The following GALNTL6 variants were observed in gnomAD, a reference collection of about 807,000 sequenced individuals.
GALNTL6 encodes polypeptide N-acetylgalactosaminyltransferase like 6.
Under a neutral mutation model 73.7 loss-of-function variants are expected in GALNTL6, and 46 were observed. The observed-to-expected ratio is 0.62, with a 90% CI of 0.49 to 0.80. The LOEUF (loss-of-function observed/expected upper bound fraction) is 0.80. Among genes scored for constraint, GALNTL6 ranks in the 30% least tolerant of loss-of-function variants. GALNTL6 has a pLI of 0.00. For synonymous variants in GALNTL6, 259 were observed against 263.7 expected (o/e 0.98, Z 0.17); for missense variants, 604 against 755.0 (o/e 0.80, Z 2.34).
chr4:172,552,461 A>G (rs1459502828), intron 5 of GALNTL6, among the ~76,000 whole-genome samples: 2 of 152,160 alleles, frequency 1.3e-5, no homozygotes, highest in Non-Finnish European at 1.5e-5. Flanking sequence ...CATGAAAAAT[A>G]AAAGTCAATG....
At chr4:172,134,563 T>C (rs1733587858) in intron 2 of GALNTL6, among the ~76,000 whole-genome samples, 1 of 152,096 alleles carries the variant, frequency 6.6e-6, no homozygotes, top group African/African-American at 2.4e-5. Flanking sequence ...AGAAACATGA[T>C]TGGAAGGGAG....
intron 3 of GALNTL6, among the ~76,000 whole-genome samples, chr4:172,308,004 T>TTTTTTA (rs1740210125): frequency 6.3e-5 from 1 of 15,834 alleles, no homozygotes; most frequent in African/African-American, 5.1e-4. Flanking sequence ...GTGTTTTAAC[T>TTTTTTA]TTTTTTTTTT....
chr4:172,021,163 TGCA>T (rs1319075614), intron 2 of GALNTL6, among the ~76,000 whole-genome samples: 4 of 151,950 alleles, frequency 2.6e-5, no homozygotes, highest in Non-Finnish European at 4.4e-5. Flanking sequence ...ATGACAGAAC[TGCA>T]GCTAGTGTCA....
chr4:172,791,923 T>C (rs944502274), intron 5 of GALNTL6, among the ~76,000 whole-genome samples: 15 of 152,234 alleles, frequency 9.9e-5, no homozygotes, highest in African/African-American at 3.4e-4. Flanking sequence ...AGTCTTGGCA[T>C]TCTACTGAGA....
chr4:171,967,375 T>TATTTTCCCAG (rs1739414386), intron 2 of GALNTL6, among the ~76,000 whole-genome samples: 1 of 152,010 alleles, frequency 6.6e-6, no homozygotes, highest in Non-Finnish European at 1.5e-5. Context: ...CAGTTGAGAC[T>TATTTTCCCAG]TTAGGTCATT....
At chr4:172,074,377 A>G (rs191675974) in intron 2 of GALNTL6, among the ~76,000 whole-genome samples, 7 of 152,328 alleles carry the variant, frequency 4.6e-5, no homozygotes, top group Admixed American at 3.3e-4. Context: ...AGAAGGAATT[A>G]ATGAAGCAAA....
chr4:172,481,718 C>G (rs536294743), intron 5 of GALNTL6, among the ~76,000 whole-genome samples: 1 of 152,182 alleles, frequency 6.6e-6, no homozygotes, highest in Non-Finnish European at 1.5e-5. Flanking sequence ...GGTGCATCCA[C>G]GAACCCTGAG....
chr4:171,969,800 C>T (rs1739507354), intron 2 of GALNTL6, among the ~76,000 whole-genome samples: 1 of 148,988 alleles, frequency 6.7e-6, no homozygotes, highest in Admixed American at 6.7e-5. Flanking sequence ...GATGGAGTCT[C>T]ACTCTGTCAT....
At chr4:171,843,274 C>A (rs1282160503) in intron 2 of GALNTL6, among the ~76,000 whole-genome samples, 1 of 151,858 alleles carries the variant, frequency 6.6e-6, no homozygotes. Context: ...AAATACACCA[C>A]AAACATAAAA....
intron 2 of GALNTL6, among the ~76,000 whole-genome samples, chr4:171,852,908 C>T (rs575687845): frequency 1.3e-5 from 2 of 151,722 alleles, no homozygotes; most frequent in African/African-American, 4.8e-5. Flanking sequence ...ATGCAGTGGC[C>T]CGATCTCGGC....
At chr4:172,852,407 A>T (rs1743877868) in intron 7 of GALNTL6, among the ~76,000 whole-genome samples, 1 of 152,070 alleles carries the variant, frequency 6.6e-6, no homozygotes, top group Non-Finnish European at 1.5e-5. Context: ...GAAATACATT[A>T]CCTCTGCCCA....
chr4:172,834,706 A>G (rs984239207), intron 7 of GALNTL6, among the ~76,000 whole-genome samples: 4 of 152,358 alleles, frequency 2.6e-5, no homozygotes, highest in East Asian at 1.9e-4. Context: ...AGGAAACCCA[A>G]CAGCCAAGAG....
At chr4:172,746,556 A>G (rs548656609) in intron 5 of GALNTL6, among the ~76,000 whole-genome samples, 13 of 152,146 alleles carry the variant, frequency 8.5e-5, no homozygotes, top group African/African-American at 3.1e-4. Flanking sequence ...GCTTTTGTCT[A>G]TAATAGTTAA....
At chr4:172,732,506 A>C (rs907513989) in intron 5 of GALNTL6, among the ~76,000 whole-genome samples, 4 of 152,128 alleles carry the variant, frequency 2.6e-5, no homozygotes, top group Non-Finnish European at 5.9e-5. Context: ...TTAGTTGGAG[A>C]GTTGAAACCA....
chr4:172,825,828 T>C (rs1004155732), intron 7 of GALNTL6, among the ~76,000 whole-genome samples: 2 of 152,162 alleles, frequency 1.3e-5, no homozygotes, highest in Non-Finnish European at 2.9e-5. Context: ...GATCAGGCCA[T>C]ATTTCCCTCC....
intron 2 of GALNTL6, among the ~76,000 whole-genome samples, chr4:172,078,619 G>T (rs932001022): frequency 1.3e-5 from 2 of 152,130 alleles, no homozygotes; most frequent in Non-Finnish European, 2.9e-5. Flanking sequence ...AAATTAAGAG[G>T]CTGCTTCAAG....
intron 2 of GALNTL6, among the ~76,000 whole-genome samples, chr4:171,837,621 A>C (rs2110836713): frequency 6.8e-6 from 1 of 147,300 alleles, no homozygotes; most frequent in South Asian, 2.1e-4. Context: ...ATTGATATAT[A>C]ATGTATATAT....
intron 5 of GALNTL6, among the ~76,000 whole-genome samples, chr4:172,685,319 G>A (rs1732853906): frequency 6.6e-6 from 1 of 151,894 alleles, no homozygotes. Context: ...TTTTTCATGG[G>A]CTTTTCTACT....
chr4:172,538,686 G>C (rs1024878561), intron 5 of GALNTL6, among the ~76,000 whole-genome samples: 1 of 152,096 alleles, frequency 6.6e-6, no homozygotes, highest in Admixed American at 6.6e-5. Context: ...ACTTCAAATA[G>C]ATGAGAGTAA....
Sources: allele counts gnomAD v4.1 joint callset (sites outside exome capture counted in the v4.1 genomes callset), GRCh38; gene constraint gnomAD v4.1.1; transcripts MANE v1.5; gene names NCBI Gene and HGNC (gene_info 2026-07-23, HGNC 2026-07-21).